COL4A5: variants seen among roughly 807,000 people sequenced by gnomAD.
COL4A5 encodes collagen type IV alpha 5 chain.
In COL4A5, 26 loss-of-function variants were observed where a neutral mutation model predicts 130.2. The ratio of observed to expected loss-of-function variants is 0.20; its 90% confidence interval spans 0.15 to 0.28. COL4A5 has a LOEUF of 0.28. Ranked by LOEUF, COL4A5 falls within the 10% of genes least tolerant of loss-of-function variation. The pLI is 1.00. For synonymous variants in COL4A5, 496 were observed against 439.6 expected, an observed-to-expected ratio of 1.13 and a Z score of -1.60; for missense variants, 1,131 against 1,344.3, an observed-to-expected ratio of 0.84 and a Z score of 2.48.
intron 2 of COL4A5, among the ~76,000 whole-genome samples, chrX:108,552,706 A>G (rs759155880): frequency 8.9e-6 from 1 of 112,049 alleles, no homozygotes; most frequent in African/African-American, 3.2e-5. Context: ...TAAGTTGACA[A>G]TTGGCCCCAA....
At chrX:108,537,712 A>G (rs1371793414) in intron 1 of COL4A5, among the ~76,000 whole-genome samples, 1 of 112,207 alleles carries the variant, frequency 8.9e-6, no homozygotes, top group Non-Finnish European at 1.9e-5. Context: ...CCATGCACAT[A>G]TATTCACATA....
At chrX:108,445,752 A>T (rs764099405) in intron 1 of COL4A5, among the ~76,000 whole-genome samples, 1 of 111,822 alleles carries the variant, frequency 8.9e-6, no homozygotes, top group African/African-American at 3.2e-5. Flanking sequence ...TGTTCATTCA[A>T]CCAATTCATA....
At chrX:108,609,582 T>A (rs1258630099) in intron 29 of COL4A5, among the ~76,000 whole-genome samples, 1 of 111,926 alleles carries the variant, frequency 8.9e-6, no homozygotes, top group East Asian at 2.8e-4. Context: ...GTTTTAATTT[T>A]ATTGAAGTTT....
intron 1 of COL4A5, among the ~76,000 whole-genome samples, chrX:108,455,879 A>C (rs1464358091): frequency 6.2e-5 from 7 of 112,014 alleles, no homozygotes; most frequent in Admixed American, 4.7e-4. Context: ...TGTATTGATT[A>C]CTGTGGCATT....
rs1283680942 is a variant in COL4A5, at chrX:108,668,499, G to A, written c.3785G>A (p.Arg1262Lys). The A allele has an allele frequency of 8.5e-7, 1 of 1,173,652 alleles. No homozygotes were observed. The highest frequency in any genetic ancestry group is 1.1e-6 in the Non-Finnish European group (1 of 877,657). The stretch of plus-strand genomic sequence containing the variant: ...CCTGGGCCCCAAGGTCCTCCTGGGA[G>A]ACCAGGTATGTCCGTGAGTGGTAGG... ...GNPGPQGPPGRPGPTGFQGLP... is the reference protein window; with the variant it reads ...GNPGPQGPPGKPGPTGFQGLP... The change falls in exon 41 of 53, where the codon AGA becomes AAA. Residue 1262 changes from arginine to lysine, a missense_variant. Coordinates refer to ENST00000328300, the MANE Select transcript of COL4A5 (RefSeq NM_033380.3).
intron 1 of COL4A5, among the ~76,000 whole-genome samples, chrX:108,450,323 G>T (rs1357346488): frequency 9.0e-6 from 1 of 111,557 alleles, no homozygotes; most frequent in Non-Finnish European, 1.9e-5. Context: ...TGAACTCCTG[G>T]CCTCAAGAGG....
chrX:108,668,292 T>A, intron 40 of COL4A5, 27 bp from the exon 41 acceptor site: 1 of 1,181,865 alleles, frequency 8.5e-7, no homozygotes, highest in Non-Finnish European at 1.2e-6. Context: ...GTATTATTTA[T>A]CTTCTAATTA....
intron 4 of COL4A5, among the ~76,000 whole-genome samples, chrX:108,566,308 G>A (rs2065968775): frequency 9.2e-6 from 1 of 109,087 alleles, no homozygotes; most frequent in Non-Finnish European, 1.9e-5. Flanking sequence ...TTTTTTGAAG[G>A]CCAATTTGTC....
intron 22 of COL4A5, among the ~76,000 whole-genome samples, 187 bp downstream of exon 22, chrX:108,595,788 A>G (rs778439760): frequency 4.8e-4 from 54 of 112,762 alleles, no homozygotes; most frequent in Non-Finnish European, 8.8e-4. Context: ...TGAAGCTACC[A>G]ATATATTCTA....
rs2066011284 is a variant in COL4A5 at position 108,568,639 on chromosome X, G to C, written c.287G>C (p.Gly96Ala). The change falls in exon 5 of 53, where the codon GGA becomes GCA. Residue 96 changes from glycine to alanine, a missense_variant. Physicochemically the swap from Gly to Ala is moderately conservative, Grantham distance 60 (BLOSUM62 0). Transcript: ENST00000328300. The part of the protein sequence containing the change: ...PGPKGIRGPP[G>A]LPGFPGTPGL... ...TATTTCTTCTTATAGGGTCCTCCTG[G>C]ACTTCCTGGATTTCCAGGGACACCA... is the stretch of plus-strand genomic sequence containing the variant. The C allele has an allele frequency of 2.5e-6, 3 of 1,195,200 alleles. No individual in the cohort carries two copies. The highest frequency in any genetic ancestry group is 3.4e-6 in the Non-Finnish European group (3 of 881,350).
At chrX:108,674,699 C>T in intron 42 of COL4A5, 46 bp from the exon 43 acceptor site, 1 of 1,183,506 alleles carries the variant, frequency 8.4e-7, no homozygotes, top group South Asian at 1.8e-5. Flanking sequence ...ATGTCTGATA[C>T]TGCTAACATC....
At chrX:108,599,457 ATG>A (rs112135923) in intron 25 of COL4A5, among the ~76,000 whole-genome samples, 13 of 106,467 alleles carry the variant, frequency 1.2e-4, no homozygotes, top group East Asian at 3.0e-4. Context: ...ATGTATGTTT[ATG>A]TGTGTGTGTG....
chrX:108,512,511 A>T (rs2065186946), intron 1 of COL4A5, among the ~76,000 whole-genome samples: 1 of 111,963 alleles, frequency 8.9e-6, no homozygotes, highest in Non-Finnish European at 1.9e-5. Flanking sequence ...TGAATATACC[A>T]ATGAAGATTT....
rs2067085713 is a variant in COL4A5 at position 108,622,942 on chromosome X, T to C, written c.2917+117T>C. 3 of 656,469 alleles carry C rather than the reference T, an allele frequency of 4.6e-6. No homozygotes were observed. The Admixed American group carries it at 1.1e-4, about 25-fold the overall frequency. 54.1% of individuals were successfully genotyped at this position (656,469 alleles called of 1,213,427 possible). A position where few individuals can be genotyped will look rare whatever the true frequency, so the allele number is the denominator to read the frequency against. Reference sequence around the variant, plus strand: ...TCACCAACAAAGGCACTTAAATGCATCAAATTTTGGTAACAAATATTAATT... The same window carrying C: ...TCACCAACAAAGGCACTTAAATGCACCAAATTTTGGTAACAAATATTAATT... On this transcript the variant is annotated intron_variant, in intron 33 of 52. Transcript: ENST00000328300.
At chrX:108,565,052 T>A (rs754080013) in intron 4 of COL4A5, among the ~76,000 whole-genome samples, 1 of 111,582 alleles carries the variant, frequency 9.0e-6, no homozygotes, top group East Asian at 2.8e-4. Flanking sequence ...ATTTTTAATA[T>A]CCCTATAGTT....
chrX:108,613,060 C>CA (rs200110967), intron 29 of COL4A5, among the ~76,000 whole-genome samples: 119 of 109,428 alleles, frequency 1.1e-3, no homozygotes, highest in African/African-American at 3.3e-3. Context: ...CATCCATATG[C>CA]AAAAAAAAAT....
Position 108,600,642 on chromosome X carries a change from T to TTAGA in COL4A5, c.1949-705_1949-702dup, listed in dbSNP as rs138215716. Among the ~76,000 whole-genome samples, 456 of 96,764 alleles carry TTAGA rather than the reference T, an allele frequency of 4.7e-3. 2 individuals are homozygous for TTAGA. The highest frequency in any genetic ancestry group is 6.0e-3 in the East Asian group (18 of 2,984). The allele number at this position is 96,764 out of a possible 115,157, so 84.0% of individuals were successfully genotyped here. On this transcript the variant is annotated intron_variant, in intron 25 of 52. Coordinates refer to ENST00000328300, the MANE Select transcript of COL4A5 (RefSeq NM_033380.3). ...TAAAAAGGATGGACAGATGGGTAGA[T>TTAGA]TAGATAGATAGATAGATAGATAGAT... is the stretch of plus-strand genomic sequence containing the variant.
intron 1 of COL4A5, chrX:108,443,049 T>G (rs1479871747): frequency 8.9e-6 from 1 of 111,751 alleles, no homozygotes; most frequent in Non-Finnish European, 1.9e-5. Flanking sequence ...ATGTGGTCTA[T>G]AGAGATTTAC....
intron 6 of COL4A5, among the ~76,000 whole-genome samples, chrX:108,571,198 A>C (rs1216640404): frequency 9.0e-6 from 1 of 111,596 alleles, no homozygotes; most frequent in Non-Finnish European, 1.9e-5. Flanking sequence ...TTTTTTCTTT[A>C]CTTCTAATTG....
Sources: gnomAD v4.1 joint callset for allele counts (sites outside exome capture counted in the v4.1 genomes callset) on GRCh38, gnomAD v4.1.1 for gene constraint, MANE v1.5 for transcripts, NCBI Gene and HGNC (gene_info 2026-07-23, HGNC 2026-07-21) for gene names.